Variants in ABCC8 observed in about 807,000 individuals in gnomAD.
The protein encoded by ABCC8 is ATP-binding cassette sub-family C member 8.
A neutral mutation model predicts 188.0 loss-of-function variants in ABCC8; 137 were observed. The ratio of observed to expected loss-of-function variants is 0.73; its 90% CI spans 0.63 to 0.84. ABCC8 has a LOEUF of 0.84. Among genes scored for constraint, ABCC8 ranks in the 40% least tolerant of loss-of-function variants. The pLI, the probability that ABCC8 is intolerant of heterozygous loss-of-function variation, is 0.00. For synonymous variants in ABCC8, 797 were observed against 846.5 expected (o/e 0.94, Z 1.01); for missense variants, 1,750 against 2,072.7 (o/e 0.84, Z 3.02).
intron 16 of ABCC8, among the ~76,000 whole-genome samples, chr11:17,426,393 T>C (rs1412303481): frequency 6.6e-6 from 1 of 152,238 alleles, no homozygotes; most frequent in Non-Finnish European, 1.5e-5. Context: ...GGGTGTGAGA[T>C]GGTATCTCAT....
At chr11:17,393,443 CA>C (rs1953733907) in intron 38 of ABCC8, among the ~76,000 whole-genome samples, 1 of 152,198 alleles carries the variant, frequency 6.6e-6, no homozygotes, top group South Asian at 2.1e-4. Flanking sequence ...GGCCTTGGGA[CA>C]GGGGCAGGCC....
chr11:17,399,275 C>CAAA (rs57138230), intron 29 of ABCC8, among the ~76,000 whole-genome samples: 9 of 58,534 alleles, frequency 1.5e-4, no homozygotes, highest in Non-Finnish European at 2.6e-4. Flanking sequence ...GACTCTGCCT[C>CAAA]AAAAAAAAAA....
At chr11:17,416,692 G>A (rs1287999091) in intron 17 of ABCC8, among the ~76,000 whole-genome samples, 1 of 152,066 alleles carries the variant, frequency 6.6e-6, no homozygotes, top group Non-Finnish European at 1.5e-5. Flanking sequence ...CAGATATACT[G>A]GCATCTGTTT....
intron 10 of ABCC8, among the ~76,000 whole-genome samples, chr11:17,434,138 C>T (rs1402641985): frequency 6.6e-6 from 1 of 152,198 alleles, no homozygotes; most frequent in Admixed American, 6.5e-5. Context: ...GGGTCAGTCA[C>T]TCCAAGGAGC....
chr11:17,440,549 G>C (rs913098829), intron 10 of ABCC8, among the ~76,000 whole-genome samples: 3 of 152,222 alleles, frequency 2.0e-5, no homozygotes, highest in South Asian at 2.1e-4. Flanking sequence ...AACGGGGAGA[G>C]ACCAGGAACT....
chr11:17,450,260 C>CTCTT (rs58452277), intron 7 of ABCC8, among the ~76,000 whole-genome samples: 2,429 of 67,142 alleles, frequency 0.036, 74 homozygotes, highest in East Asian at 0.098. Flanking sequence ...TTCTTTCTTT[C>CTCTT]TCTTTCTTTC....
At chr11:17,396,135 C>T (rs567086408) in intron 33 of ABCC8, 89 of 1,242,628 alleles carry the variant, frequency 7.2e-5, no homozygotes, top group Middle Eastern at 2.8e-4. Context: ...GGGACCGGCA[C>T]GCAAGTGCAG....
At chr11:17,410,467 G>A (rs1222248816) in intron 22 of ABCC8, 49 bp downstream of exon 22, 5 of 1,596,992 alleles carry the variant, frequency 3.1e-6, no homozygotes, top group Admixed American at 3.3e-5. Context: ...ATGCCTGACA[G>A]CCTCCCCAGC....
intron 21 of ABCC8, 81 bp from the exon 22 acceptor site, chr11:17,410,734 A>C: frequency 1.3e-6 from 2 of 1,590,670 alleles, no homozygotes; most frequent in Non-Finnish European, 1.7e-6. Flanking sequence ...AAAACCCATT[A>C]GAGTTCTATC....
At chr11:17,438,921 T>G (rs1164054463) in intron 10 of ABCC8, among the ~76,000 whole-genome samples, 1 of 152,236 alleles carries the variant, frequency 6.6e-6, no homozygotes, top group East Asian at 1.9e-4. Flanking sequence ...CAAGTTGTTA[T>G]GAGGATGAAG....
chr11:17,417,615 G>A (rs181526783), intron 16 of ABCC8, among the ~76,000 whole-genome samples: 142 of 152,214 alleles, frequency 9.3e-4, no homozygotes, highest in African/African-American at 3.3e-3. Flanking sequence ...GCAGCCCCTT[G>A]CCAATGAAAT....
chr11:17,426,607 C>A (rs1222618936), intron 16 of ABCC8, among the ~76,000 whole-genome samples: 1 of 151,882 alleles, frequency 6.6e-6, no homozygotes, highest in Non-Finnish European at 1.5e-5. Context: ...TAGGTCAGTG[C>A]AGCTCAGGAC....
At chr11:17,447,751 C>T (rs1956594296) in intron 8 of ABCC8, among the ~76,000 whole-genome samples, 1 of 152,184 alleles carries the variant, frequency 6.6e-6, no homozygotes, top group African/African-American at 2.4e-5. Flanking sequence ...AGTTGTGAGC[C>T]ACCACTTCCA....
rs17846734 is a variant in ABCC8 at position 17,426,771 on chromosome 11, C to T, written c.2222+278G>A. Among the ~76,000 whole-genome samples, 9 of 152,322 alleles carry T rather than the reference C, an allele frequency of 5.9e-5. No homozygotes were observed. In the East Asian group the frequency reaches 1.7e-3, roughly 29 times the overall value. On this transcript the variant is annotated intron_variant, in intron 16 of 38. Coordinates refer to ENST00000389817, the MANE Select transcript of ABCC8 (RefSeq NM_000352.6). ...GTGTGAATTAGGACAAATAGTTTAA[C>T]CTTCCTCTATAAATGAGAATTGAGA...
At chr11:17,403,848 G>A (rs1434042996) in intron 28 of ABCC8, among the ~76,000 whole-genome samples, 2 of 152,060 alleles carry the variant, frequency 1.3e-5, no homozygotes, top group Non-Finnish European at 2.9e-5. Context: ...ACCCACTGAT[G>A]GGCTGTAATT....
At chr11:17,399,590 C>T (rs1372095652) in intron 29 of ABCC8, among the ~76,000 whole-genome samples, 1 of 152,204 alleles carries the variant, frequency 6.6e-6, no homozygotes, top group African/African-American at 2.4e-5. Context: ...TGGCTACTAC[C>T]TTACTATAAA....
intron 16 of ABCC8, among the ~76,000 whole-genome samples, chr11:17,419,237 C>T (rs1486118090): frequency 6.6e-6 from 1 of 152,220 alleles, no homozygotes; most frequent in East Asian, 1.9e-4. Context: ...TGAGGGGATT[C>T]GATTCCTCCT....
At chr11:17,449,530 G>C (rs902416657) in intron 7 of ABCC8, among the ~76,000 whole-genome samples, 1 of 152,214 alleles carries the variant, frequency 6.6e-6, no homozygotes, top group Non-Finnish European at 1.5e-5. Context: ...AGGGCAGACA[G>C]AGAGCAGCCA....
At chr11:17,412,992 C>G in intron 20 of ABCC8, 2 of 756,150 alleles carry the variant, frequency 2.6e-6, no homozygotes, top group Non-Finnish European at 4.1e-6. Context: ...CCAGTACAAA[C>G]AAAGACAGAG....
Sources: gnomAD v4.1 joint callset for allele counts (sites outside exome capture counted in the v4.1 genomes callset) on GRCh38, gnomAD v4.1.1 for gene constraint, MANE v1.5 for transcripts, NCBI Gene and HGNC (gene_info 2026-07-23, HGNC 2026-07-21) for gene names.